Variants in ZGRF1 observed in about 807,000 individuals in gnomAD.
ZGRF1 encodes the protein zinc finger GRF-type containing 1, also known as 5'-3' DNA helicase ZGRF1.
A neutral mutation model predicts 203.5 loss-of-function variants in ZGRF1; 196 were observed. The ratio of observed to expected loss-of-function variants is 0.96; its 90% confidence interval spans 0.86 to 1.08. The LOEUF (loss-of-function observed/expected upper bound fraction) is 1.08, where lower values mean the gene tolerates loss of function less well. Among genes scored for constraint, ZGRF1 ranks in the 50% least tolerant of loss-of-function variants. ZGRF1 has a pLI of 0.00. For synonymous variants in ZGRF1, 809 were observed against 841.3 expected, an observed-to-expected ratio of 0.96 and a Z score of 0.66; for missense variants, 2,326 against 2,416.3, an observed-to-expected ratio of 0.96 and a Z score of 0.78.
In ZGRF1 at chr4:112,583,155, C is replaced by T. The variant is rs572410582; in HGVS notation, c.4298+823G>A. Among the ~76,000 whole-genome samples, 23 of 152,216 alleles carry T rather than the reference C, an allele frequency of 1.5e-4. No individual in the cohort carries two copies. In the East Asian group the frequency reaches 4.2e-3, roughly 28 times the overall value. On this transcript the variant is annotated intron_variant, in intron 15 of 27. Transcript: ENST00000505019. ...TGCATAAAATAATTCATGCGAAGTG[C>T]CTAGTTAGAAGAGGGCCTGGCATAT...
intron 8 of ZGRF1, among the ~76,000 whole-genome samples, chr4:112,608,809 T>C (rs1393661809): frequency 1.3e-5 from 2 of 152,208 alleles, no homozygotes; most frequent in East Asian, 1.9e-4. Flanking sequence ...TGTTCTGTTT[T>C]AGGCAACAGA....
chr4:112,551,958 T>C (rs1364074838), intron 22 of ZGRF1, among the ~76,000 whole-genome samples: 2 of 152,136 alleles, frequency 1.3e-5, no homozygotes, highest in Non-Finnish European at 2.9e-5. Context: ...AAATTAGTTT[T>C]ATTGTGAAGA....
intron 11 of ZGRF1, among the ~76,000 whole-genome samples, 200 bp from the exon 12 acceptor site, chr4:112,588,129 A>T (rs575247388): frequency 1.7e-4 from 26 of 152,176 alleles, no homozygotes; most frequent in African/African-American, 5.5e-4. Context: ...ATATATACTG[A>T]AACATTCTTA....
At chr4:112,575,452 C>T (rs1054399258) in intron 16 of ZGRF1, among the ~76,000 whole-genome samples, 2 of 152,032 alleles carry the variant, frequency 1.3e-5, no homozygotes, top group African/African-American at 2.4e-5. Flanking sequence ...TGCAGTGCAC[C>T]GAGCATGAGC....
At chr4:112,606,336 AT>A in intron 8 of ZGRF1, among the ~76,000 whole-genome samples, 1 of 152,334 alleles carries the variant, frequency 6.6e-6, no homozygotes, top group East Asian at 1.9e-4. Flanking sequence ...CTGATTCTAA[AT>A]TTTTAATTAA....
Position 112,539,642 on chromosome 4 carries a change from T to C in ZGRF1, c.6220A>G (p.Asn2074Asp). 6.2e-7 allele frequency: 1 copy of C among 1,608,278 alleles called. No individual in the cohort carries two copies. The highest frequency in any genetic ancestry group is 8.5e-7 in the Non-Finnish European group (1 of 1,177,056). ...QHANQYEPQL[N>D]HLLKDYFEKQ... ...TCAAAATAATCTTTAAGGAGATGGT[T>C]CAGCTGTGGTTCATACTGGTTTGCA... is the stretch of plus-strand genomic sequence containing the variant. The change falls in exon 28 of 28, where the codon AAC (asparagine) becomes GAC (aspartate). Residue 2074 changes from asparagine (N) to aspartate (D), a missense_variant. By Grantham distance (23) the Asn-to-Asp change is conservative. Transcript: ENST00000505019.
At chr4:112,631,190 C>T (rs1560892367) in intron 3 of ZGRF1, among the ~76,000 whole-genome samples, 1 of 151,982 alleles carries the variant, frequency 6.6e-6, no homozygotes, top group Non-Finnish European at 1.5e-5. Context: ...TTTGTAGAGA[C>T]AGAGTCTTGC....
At chr4:112,623,337 T>C (rs913203927) in intron 4 of ZGRF1, among the ~76,000 whole-genome samples, 7 of 152,228 alleles carry the variant, frequency 4.6e-5, no homozygotes, top group Admixed American at 2.0e-4. Flanking sequence ...TGTGTCTTTA[T>C]GGTAGAACAA....
Position 112,632,018 on chromosome 4 carries a change from C to A in ZGRF1, c.22-8G>T. The A allele has an allele frequency of 1.4e-6, 2 of 1,397,416 alleles. No homozygotes were observed. Among genetic ancestry groups the A allele is most frequent in the Non-Finnish European group, 9.7e-7 (1 of 1,028,102 alleles). 86.6% of individuals were successfully genotyped at this position (1,397,416 alleles called of 1,614,324 possible). A position where few individuals can be genotyped will look rare whatever the true frequency, so the allele number is the denominator to read the frequency against. On this transcript the variant is annotated splice_region_variant and splice_polypyrimidine_tract_variant and intron_variant, in intron 2 of 27. Coordinates refer to ENST00000505019, the MANE Select transcript of ZGRF1 (RefSeq NM_018392.5). ...TTGATGAGTATATAGAACCTTATTT[C>A]CAAAAATACAAAAGAAATGGTTTCC...
At chr4:112,549,910 A>T (rs546678760) in intron 22 of ZGRF1, among the ~76,000 whole-genome samples, 1 of 152,102 alleles carries the variant, frequency 6.6e-6, no homozygotes, top group Admixed American at 6.6e-5. Flanking sequence ...CAGTGGGACA[A>T]GGCTGGGCGC....
At chr4:112,578,481 G>A (rs529968053) in intron 16 of ZGRF1, among the ~76,000 whole-genome samples, 1 of 119,748 alleles carries the variant, frequency 8.4e-6, no homozygotes, top group African/African-American at 2.9e-5. Context: ...ATGAATCCAG[G>A]AGCTGGTTTT....
At chr4:112,556,735 A>T (rs1741007418) in intron 20 of ZGRF1, among the ~76,000 whole-genome samples, 1 of 152,222 alleles carries the variant, frequency 6.6e-6, no homozygotes, top group South Asian at 2.1e-4. Context: ...TGAATCTCAA[A>T]TTTGGAAAAC....
Position 112,618,235 on chromosome 4 carries a change from A to G in ZGRF1, c.1807T>C (p.Phe603Leu), listed in dbSNP as rs78381215. The change falls in exon 6 of 28, where the codon TTT becomes CTT. Residue 603 changes from phenylalanine (F) to leucine (L), a missense_variant. Transcript: ENST00000505019. ...GATGGCAGAGTCTCTTTAACAGGAA[A>G]TGTCACTGTAGGTTTGTCACTAACA... is the stretch of plus-strand genomic sequence containing the variant. Reference protein sequence around the residue: ...TSVSDKPTVTFPVKETLPSQF... With the variant: ...TSVSDKPTVTLPVKETLPSQF... The G allele has an allele frequency of 0.014, 23,099 of 1,613,908 alleles. 531 individuals carry two copies. Among genetic ancestry groups the G allele is most frequent in the South Asian group, 0.073 (6,663 of 91,050 alleles).
intron 8 of ZGRF1, among the ~76,000 whole-genome samples, chr4:112,606,341 T>A (rs1750773690): frequency 6.6e-6 from 1 of 152,222 alleles, no homozygotes; most frequent in Non-Finnish European, 1.5e-5. Context: ...TCTAAATTTT[T>A]AATTAAATCT....
intron 3 of ZGRF1, chr4:112,630,006 A>G (rs1384532886): frequency 1.4e-5 from 3 of 214,774 alleles, no homozygotes; most frequent in South Asian, 5.3e-5. Context: ...GCAACAGAGC[A>G]AGACTCTGTC....
intron 8 of ZGRF1, 34 bp from the exon 9 acceptor site, chr4:112,606,125 C>G: frequency 7.8e-7 from 1 of 1,289,284 alleles, no homozygotes; most frequent in Non-Finnish European, 1.1e-6. Context: ...ATCTAGTTAG[C>G]TAGAATAGTT....
rs943152411 is a variant in ZGRF1 at position 112,587,780 on chromosome 4, C to T, written c.3277G>A (p.Glu1093Lys). ...TTGAGCATGGGGGAGCCAGAAGACT[C>T]GTATGTGTTAGAGTTGATCATATAC... is the stretch of plus-strand genomic sequence containing the variant. The part of the protein sequence containing the change: ...HSYMINSNTY[E>K]SSGSPMLNLC... The change falls in exon 12 of 28, where the codon GAG becomes AAG. Residue 1093 changes from glutamate (E) to lysine (K), a missense_variant. Coordinates refer to ENST00000505019, the MANE Select transcript of ZGRF1 (RefSeq NM_018392.5). 5.2e-6 allele frequency: 8 copies of T among 1,553,190 alleles called. No homozygotes were observed. Among genetic ancestry groups the T allele is most frequent in the Admixed American group, 3.9e-5 (2 of 51,048 alleles).
chr4:112,554,892 T>A (rs1740654207), intron 20 of ZGRF1, 110 bp from the exon 21 acceptor site: 1 of 528,040 alleles, frequency 1.9e-6, no homozygotes. Flanking sequence ...ATTTTAATTA[T>A]AAAATTTAAT....
intron 6 of ZGRF1, among the ~76,000 whole-genome samples, chr4:112,613,593 A>G (rs2046768159): frequency 6.6e-6 from 1 of 152,212 alleles, no homozygotes; most frequent in South Asian, 2.1e-4. Flanking sequence ...GAATTAGGAA[A>G]AGTTTCTCAT....
Sources: gnomAD v4.1 joint callset for allele counts (sites outside exome capture counted in the v4.1 genomes callset) on GRCh38, gnomAD v4.1.1 for gene constraint, MANE v1.5 for transcripts, NCBI Gene and HGNC (gene_info 2026-07-23, HGNC 2026-07-21) for gene names.